The following CUX2 variants were observed in gnomAD, a reference collection of about 807,000 sequenced individuals.
The protein encoded by CUX2 is homeobox protein cut-like 2.
CUX2 carries 40 observed loss-of-function variants against 144.8 expected under a neutral mutation model. The ratio of observed to expected loss-of-function variants is 0.28; its 90% confidence interval spans 0.21 to 0.36. CUX2 has a LOEUF of 0.36. Ranked by LOEUF, CUX2 falls within the 10% of genes least tolerant of loss-of-function variation. The probability of loss-of-function intolerance (pLI) is 1.00; values close to 1 mark genes in which losing one functional copy is unlikely to be tolerated. For missense variants in CUX2, 1,615 were observed against 1,994.0 expected, an observed-to-expected ratio of 0.81 and a Z score of 3.62; for synonymous variants, 827 against 875.6, an observed-to-expected ratio of 0.94 and a Z score of 0.98.
intron 1 of CUX2, among the ~76,000 whole-genome samples, chr12:111,041,525 T>C (rs1869739664): frequency 1.3e-5 from 2 of 152,252 alleles, no homozygotes; most frequent in South Asian, 4.1e-4. Flanking sequence ...GTCTGGCCCA[T>C]GGATGTGTCT....
At chr12:111,328,434 C>T (rs1010736664) in intron 18 of CUX2, among the ~76,000 whole-genome samples, 1 of 152,190 alleles carries the variant, frequency 6.6e-6, no homozygotes, top group African/African-American at 2.4e-5. Flanking sequence ...CGCTACCTAC[C>T]GTGGCAGCAT....
rs957450457 is a variant in CUX2, at chr12:111,039,997, C to T, written c.63+5757C>T. Among the ~76,000 whole-genome samples, 16 of 152,140 alleles carry T rather than the reference C, an allele frequency of 1.1e-4. No individual in the cohort carries two copies. The highest frequency in any genetic ancestry group is 1.6e-4 in the Non-Finnish European group (11 of 68,030). ...TTTGGAGGATGTAGACATTATATTC[C>T]TATCATGGCCCAGGCGAGGTGGCTC... is the stretch of plus-strand genomic sequence containing the variant. On this transcript the variant is annotated intron_variant, in intron 1 of 21. Coordinates refer to ENST00000261726, the MANE Select transcript of CUX2 (RefSeq NM_015267.4). This position sits in a 1 kb window ranked among gnomAD's most constrained non-coding sequence, Gnocchi z 4.2.
At position 111,310,161 on chromosome 12, in the gene CUX2, G is replaced by T; in HGVS notation, c.1379G>T (p.Gly460Val). The T allele has an allele frequency of 6.4e-7, 1 of 1,551,756 alleles. No homozygotes were observed. Among genetic ancestry groups the T allele is most frequent in the Non-Finnish European group, 8.7e-7 (1 of 1,150,618 alleles). The change falls in exon 15 of 22, where the codon GGG (glycine) becomes GTG (valine). Residue 460 changes from glycine (G) to valine (V), a missense_variant. By Grantham distance (109) the Gly-to-Val change is moderately radical. This residue lies in a region of CUX2 where 154 missense variants were observed against 148.4 expected (regional missense o/e 1.04). Coordinates refer to ENST00000261726, the MANE Select transcript of CUX2 (RefSeq NM_015267.4). The surrounding 1 kb of genome is among the most constrained non-coding windows in gnomAD (Gnocchi z 7.9). ...GAAGACCCCCTGTCTCCCAGCCCCGGGCAGCCCCTGCTGGGCCCCAGCTTG... is the reference window on the plus strand; with the variant it reads ...GAAGACCCCCTGTCTCCCAGCCCCGTGCAGCCCCTGCTGGGCCCCAGCTTG... ...GPEDPLSPSPGQPLLGPSLGP... is the reference protein window; with the variant it reads ...GPEDPLSPSPVQPLLGPSLGP...
chr12:111,100,547 C>T (rs1162099365), intron 1 of CUX2, among the ~76,000 whole-genome samples: 1 of 151,982 alleles, frequency 6.6e-6, no homozygotes. Flanking sequence ...TGTGTGGGTG[C>T]AGACACCCAT....
intron 1 of CUX2, among the ~76,000 whole-genome samples, chr12:111,066,661 G>C (rs1871033228): frequency 6.6e-6 from 1 of 152,216 alleles, no homozygotes; most frequent in Non-Finnish European, 1.5e-5. Flanking sequence ...CCCATGGTCA[G>C]TGTATTCCAG....
chr12:111,193,948 G>C (rs56059217), intron 1 of CUX2, among the ~76,000 whole-genome samples: 53,395 of 151,870 alleles, frequency 0.35, 13,024 homozygotes, highest in African/African-American at 0.68. Flanking sequence ...GGATGCCAAG[G>C]TTGGGCTCCT....
At position 111,246,660 on chromosome 12, in the gene CUX2, C is replaced by T. The variant is rs1182627647; in HGVS notation, c.223-17101C>T. On this transcript the variant is annotated intron_variant, in intron 3 of 21. Coordinates refer to ENST00000261726, the MANE Select transcript of CUX2 (RefSeq NM_015267.4). The surrounding 1 kb of genome is among the most constrained non-coding windows in gnomAD (Gnocchi z 4.0). ...GCATGTGGAATTTGGACCACAGACT[C>T]CACGTTTGCAAAGTTGGACTTAGAG... 6.6e-6 allele frequency among the ~76,000 whole-genome samples: 1 copy of T among 152,144 alleles called. No homozygotes were observed. Among genetic ancestry groups the T allele is most frequent in the Non-Finnish European group, 1.5e-5 (1 of 68,020 alleles).
intron 1 of CUX2, among the ~76,000 whole-genome samples, chr12:111,126,323 G>A (rs1875083430): frequency 6.6e-6 from 1 of 152,104 alleles, no homozygotes; most frequent in African/African-American, 2.4e-5. Flanking sequence ...TGGCCAGTCT[G>A]GTCTCAAACT....
At chr12:111,130,955 T>G (rs77547285) in intron 1 of CUX2, among the ~76,000 whole-genome samples, 5,324 of 152,292 alleles carry the variant, frequency 0.035, 276 homozygotes, top group African/African-American at 0.12. Flanking sequence ...CCCACACCTA[T>G]TGCCATGCAT....
chr12:111,247,081 G>T (rs936503685), intron 3 of CUX2, among the ~76,000 whole-genome samples: 23 of 152,176 alleles, frequency 1.5e-4, no homozygotes, highest in Admixed American at 1.5e-3. Flanking sequence ...TAATCCTGAT[G>T]ATAACCCTCA....
At chr12:111,107,614 C>G (rs1268515232) in intron 1 of CUX2, among the ~76,000 whole-genome samples, 2 of 152,172 alleles carry the variant, frequency 1.3e-5, no homozygotes, top group Non-Finnish European at 2.9e-5. Context: ...AATGCCCGTC[C>G]TCTAGGTGAG....
At chr12:111,152,707 G>A (rs1043327709) in intron 1 of CUX2, among the ~76,000 whole-genome samples, 3 of 152,308 alleles carry the variant, frequency 2.0e-5, no homozygotes, top group East Asian at 1.9e-4. Context: ...AAAAATAGAC[G>A]CATGTTAGAG....
At chr12:111,259,331 A>AAGTC (rs1376187372) in intron 3 of CUX2, among the ~76,000 whole-genome samples, 2 of 152,146 alleles carry the variant, frequency 1.3e-5, no homozygotes, top group Non-Finnish European at 2.9e-5. Flanking sequence ...GCGGGCCACA[A>AAGTC]AGTCTCTTTC....
chr12:111,215,829 A>T (rs1881499798), intron 2 of CUX2, among the ~76,000 whole-genome samples: 1 of 152,210 alleles, frequency 6.6e-6, no homozygotes, highest in African/African-American at 2.4e-5. Flanking sequence ...TTCTGAGGCC[A>T]TGTGGGAGCC....
At chr12:111,049,239 A>G (rs1401917091) in intron 1 of CUX2, among the ~76,000 whole-genome samples, 1 of 151,864 alleles carries the variant, frequency 6.6e-6, no homozygotes, top group Non-Finnish European at 1.5e-5. Flanking sequence ...CCATCCACCC[A>G]TCCACGAATT....
intron 1 of CUX2, among the ~76,000 whole-genome samples, chr12:111,137,601 C>A (rs1010615300): frequency 6.6e-6 from 1 of 152,106 alleles, no homozygotes; most frequent in South Asian, 2.1e-4. Context: ...CAGTCTCGAC[C>A]TCCCCAGGCT....
At chr12:111,347,277 A>C (rs1356047493) in intron 21 of CUX2, among the ~76,000 whole-genome samples, 2 of 152,120 alleles carry the variant, frequency 1.3e-5, no homozygotes, top group Non-Finnish European at 2.9e-5. Flanking sequence ...TCTGCCACTT[A>C]CTAGCTGTGT....
chr12:111,311,599 TATTA>T (rs1245229796), intron 15 of CUX2, among the ~76,000 whole-genome samples: 4 of 120,642 alleles, frequency 3.3e-5, no homozygotes, highest in Non-Finnish European at 4.9e-5. Context: ...TCTTTATTAT[TATTA>T]TTTTTTTTTT....
Position 111,322,329 on chromosome 12 carries a change from A to C in CUX2, c.2767-92A>C, listed in dbSNP as rs1165267728. 2 of 1,254,636 alleles carry C rather than the reference A, an allele frequency of 1.6e-6. No homozygotes were observed. The highest frequency in any genetic ancestry group is 6.3e-5 in the East Asian group (2 of 31,794). The allele number at this position is 1,254,636 out of a possible 1,614,324, so 77.7% of individuals were successfully genotyped here. A position where few individuals can be genotyped will look rare whatever the true frequency, so the allele number is the denominator to read the frequency against. The stretch of plus-strand genomic sequence containing the variant: ...AAAGCGAGACTCTGCCTCAAAAAAA[A>C]AAAAAAAAAAAAAAAGGTTGGGGAG... On this transcript the variant is annotated intron_variant, in intron 17 of 21. Coordinates refer to ENST00000261726, the MANE Select transcript of CUX2 (RefSeq NM_015267.4). This position sits in a 1 kb window ranked among gnomAD's most constrained non-coding sequence, Gnocchi z 4.2.
Sources: allele counts gnomAD v4.1 joint callset (sites outside exome capture counted in the v4.1 genomes callset), GRCh38; gene constraint gnomAD v4.1.1; regional missense constraint gnomAD v4.1.1; non-coding constraint Gnocchi (gnomAD v3.1); transcripts MANE v1.5; gene names NCBI Gene and HGNC (gene_info 2026-07-23, HGNC 2026-07-21).